SETBP1: variants seen among roughly 807,000 people sequenced by gnomAD.
SETBP1 encodes the protein SET-binding protein.
SETBP1 carries 9 observed loss-of-function variants against 101.0 expected under a neutral mutation model. The ratio of observed to expected loss-of-function variants is 0.09; its 90% CI spans 0.05 to 0.16. SETBP1 has a LOEUF of 0.16. Ranked by LOEUF, SETBP1 falls within the 10% of genes least tolerant of loss-of-function variation. The probability of loss-of-function intolerance (pLI) is 1.00; values close to 1 mark genes in which losing one functional copy is unlikely to be tolerated. For missense variants in SETBP1, 1,858 were observed against 2,033.8 expected (o/e 0.91, Z 1.66); for synonymous variants, 818 against 788.5 (o/e 1.04, Z -0.63).
intron 3 of SETBP1, among the ~76,000 whole-genome samples, chr18:44,939,566 C>G (rs552660158): frequency 5.9e-5 from 9 of 152,244 alleles, no homozygotes; most frequent in Non-Finnish European, 8.8e-5. Flanking sequence ...GTTTTCTTTT[C>G]TCTTGGGTAA....
intron 3 of SETBP1, among the ~76,000 whole-genome samples, chr18:44,944,244 G>A (rs79815898): frequency 0.02 from 2,974 of 152,208 alleles, 34 homozygotes; most frequent in Non-Finnish European, 0.029. Context: ...TGTAAATTAC[G>A]GAGAGTTCAG....
At chr18:44,841,875 C>G (rs1328490873) in intron 2 of SETBP1, among the ~76,000 whole-genome samples, 1 of 152,162 alleles carries the variant, frequency 6.6e-6, no homozygotes, top group Non-Finnish European at 1.5e-5. Flanking sequence ...TGTGATATAC[C>G]ATAACTGCAG....
At chr18:44,904,050 G>A (rs142073135) in intron 3 of SETBP1, among the ~76,000 whole-genome samples, 4 of 152,166 alleles carry the variant, frequency 2.6e-5, no homozygotes, top group African/African-American at 9.6e-5. Context: ...TCTACAGCAG[G>A]CAACTCATAC....
intron 2 of SETBP1, among the ~76,000 whole-genome samples, chr18:44,745,606 T>C (rs2070222579): frequency 6.6e-6 from 1 of 152,250 alleles, no homozygotes; most frequent in Admixed American, 6.5e-5. Flanking sequence ...TTGTAAAGCA[T>C]TATTCAGTGA....
chr18:44,726,780 C>T (rs906902099), intron 2 of SETBP1, among the ~76,000 whole-genome samples: 4 of 152,156 alleles, frequency 2.6e-5, no homozygotes, highest in Non-Finnish European at 5.9e-5. Context: ...CTGTGTGCTT[C>T]GTTACATAAT....
chr18:44,871,115 C>T (rs1390203374), intron 3 of SETBP1: 1 of 152,134 alleles, frequency 6.6e-6, no homozygotes, highest in Non-Finnish European at 1.5e-5. Flanking sequence ...AACATAAATG[C>T]CTATTTTTCA....
At chr18:44,968,992 G>T (rs549524082) in intron 4 of SETBP1, among the ~76,000 whole-genome samples, 1 of 152,168 alleles carries the variant, frequency 6.6e-6, no homozygotes, top group South Asian at 2.1e-4. Context: ...ATTTCTTTTT[G>T]GTGGGAGTCA....
chr18:44,944,361 A>G (rs2071155353), intron 3 of SETBP1, among the ~76,000 whole-genome samples: 1 of 152,202 alleles, frequency 6.6e-6, no homozygotes, highest in Non-Finnish European at 1.5e-5. Context: ...TGTTATAGCA[A>G]CCACAGAAGG....
intron 2 of SETBP1, among the ~76,000 whole-genome samples, chr18:44,835,093 A>G (rs1432824420): frequency 2.0e-5 from 3 of 152,106 alleles, no homozygotes; most frequent in Non-Finnish European, 1.5e-5. Context: ...AGAGGGAGCC[A>G]TTGAAGAGTA....
chr18:44,732,768 A>AG (rs1478407093), intron 2 of SETBP1: 1 of 152,230 alleles, frequency 6.6e-6, no homozygotes, highest in Non-Finnish European at 1.5e-5. Flanking sequence ...CCAGTACAGA[A>AG]GGAGGTATTG....
chr18:45,047,055 A>G (rs888040574), intron 5 of SETBP1, among the ~76,000 whole-genome samples: 2 of 152,186 alleles, frequency 1.3e-5, no homozygotes, highest in African/African-American at 4.8e-5. Context: ...TGCTTCATAC[A>G]GATTATGCTC....
intron 3 of SETBP1, among the ~76,000 whole-genome samples, chr18:44,935,923 C>T (rs916588318): frequency 1.3e-5 from 2 of 152,158 alleles, no homozygotes; most frequent in Non-Finnish European, 2.9e-5. Flanking sequence ...AATTTTGCCC[C>T]TTCATTGTAA....
At chr18:44,831,661 GGAGT>G (rs1296968854) in intron 2 of SETBP1, among the ~76,000 whole-genome samples, 3 of 152,178 alleles carry the variant, frequency 2.0e-5, no homozygotes, top group African/African-American at 7.2e-5. Context: ...GTTATGAAGA[GGAGT>G]GAGTAAGGTA....
At chr18:44,742,976 CCT>C (rs200844496) in intron 2 of SETBP1, among the ~76,000 whole-genome samples, 10,069 of 139,266 alleles carry the variant, frequency 0.072, 415 homozygotes, top group East Asian at 0.13. Flanking sequence ...TCTCTCCCCC[CCT>C]GTCCCGTTAC....
intron 2 of SETBP1, among the ~76,000 whole-genome samples, chr18:44,804,971 C>T (rs1050776893): frequency 3.9e-5 from 6 of 152,052 alleles, no homozygotes; most frequent in Non-Finnish European, 7.4e-5. Flanking sequence ...GAGACATAAA[C>T]GATGATGGGA....
chr18:44,989,266 G>A (rs1210067134), intron 4 of SETBP1: 1 of 152,062 alleles, frequency 6.6e-6, no homozygotes, highest in African/African-American at 2.4e-5. Flanking sequence ...AGGTAGATTT[G>A]AAAACTGCCC....
At chr18:44,959,294 A>C (rs952859616) in intron 4 of SETBP1, among the ~76,000 whole-genome samples, 8 of 152,202 alleles carry the variant, frequency 5.3e-5, no homozygotes, top group Admixed American at 1.3e-4. Context: ...AGAGATAAGC[A>C]AGGCACCTTT....
intron 3 of SETBP1, among the ~76,000 whole-genome samples, chr18:44,896,986 G>A (rs1287827247): frequency 1.3e-5 from 2 of 152,146 alleles, no homozygotes; most frequent in Admixed American, 1.3e-4. Flanking sequence ...AGGGTTGATC[G>A]GAAATGTTTA....
chr18:44,906,458 A>G (rs1657270420), intron 3 of SETBP1, among the ~76,000 whole-genome samples: 5 of 152,214 alleles, frequency 3.3e-5, no homozygotes, highest in Admixed American at 2.0e-4. Flanking sequence ...ATTTTAGACA[A>G]ACCATTCCTC....
Sources: gnomAD v4.1 joint callset for allele counts (sites outside exome capture counted in the v4.1 genomes callset) on GRCh38, gnomAD v4.1.1 for gene constraint, MANE v1.5 for transcripts, NCBI Gene and HGNC (gene_info 2026-07-23, HGNC 2026-07-21) for gene names.